The following MBNL2 variants were observed in gnomAD, a reference collection of about 807,000 sequenced individuals.
The protein encoded by MBNL2 is muscleblind-like protein 2.
In MBNL2, 17 loss-of-function variants were observed where a neutral mutation model predicts 41.9. The ratio of observed to expected loss-of-function variants is 0.41; its 90% CI spans 0.28 to 0.61. The LOEUF is 0.61. Among genes scored for constraint, MBNL2 ranks in the 20% least tolerant of loss-of-function variants. The pLI is 0.35. For missense variants in MBNL2, 336 were observed against 505.6 expected (o/e 0.66, Z 3.22); for synonymous variants, 195 against 182.9 (o/e 1.07, Z -0.53).
the MBNL2 span, among the ~76,000 whole-genome samples, chr13:97,153,209 T>C: frequency 6.6e-6 from 1 of 152,174 alleles, no homozygotes; most frequent in Non-Finnish European, 1.5e-5. Context: ...TAGTGTGTTC[T>C]TGACTCAGAG....
chr13:97,331,633 G>A (rs1284030216), intron 2 of MBNL2, among the ~76,000 whole-genome samples: 1 of 152,098 alleles, frequency 6.6e-6, no homozygotes, highest in African/African-American at 2.4e-5. Flanking sequence ...AGTTATATAT[G>A]GCCTTGGGAA....
chr13:97,204,715 A>G, the MBNL2 span, among the ~76,000 whole-genome samples: 12 of 152,138 alleles, frequency 7.9e-5, no homozygotes, highest in Admixed American at 2.0e-4. Context: ...GTTGCGGCCC[A>G]ATCCATTTTG....
chr13:97,370,568 G>T (rs1488609880), intron 8 of MBNL2, among the ~76,000 whole-genome samples: 1 of 151,632 alleles, frequency 6.6e-6, no homozygotes, highest in Non-Finnish European at 1.5e-5. Flanking sequence ...ACTCGAGAGG[G>T]TGAGGCAGGA....
intron 2 of MBNL2, among the ~76,000 whole-genome samples, chr13:97,293,124 A>G (rs2056444934): frequency 6.6e-6 from 1 of 151,986 alleles, no homozygotes. Flanking sequence ...CTTTTTGCCC[A>G]TAAATTCTGA....
At chr13:97,261,573 AAATT>A (rs1294785786) in intron 1 of MBNL2, among the ~76,000 whole-genome samples, 2 of 152,186 alleles carry the variant, frequency 1.3e-5, no homozygotes, top group South Asian at 2.1e-4. Context: ...ATCTCAGAAT[AAATT>A]AACGCTCTTT....
chr13:97,237,639 T>A (rs892277715), intron 1 of MBNL2, among the ~76,000 whole-genome samples: 1 of 152,200 alleles, frequency 6.6e-6, no homozygotes, highest in African/African-American at 2.4e-5. Flanking sequence ...AATCACATTG[T>A]GTGCACCTGA....
At chr13:97,259,509 G>C (rs1566372130) in intron 1 of MBNL2, among the ~76,000 whole-genome samples, 1 of 152,140 alleles carries the variant, frequency 6.6e-6, no homozygotes, top group Admixed American at 6.5e-5. Context: ...CTTGGGAGCA[G>C]GAAGAAAATG....
chr13:97,374,703 T>G (rs956263049), intron 8 of MBNL2, among the ~76,000 whole-genome samples: 10 of 152,154 alleles, frequency 6.6e-5, no homozygotes, highest in African/African-American at 2.4e-4. Flanking sequence ...CTTTGCAGTT[T>G]GATGGGACTG....
intron 2 of MBNL2, among the ~76,000 whole-genome samples, chr13:97,298,321 A>T (rs1019549825): frequency 2.6e-5 from 4 of 152,236 alleles, no homozygotes; most frequent in African/African-American, 7.2e-5. Context: ...TCTTGAATAC[A>T]TGAATAAATC....
At position 97,247,711 on chromosome 13, in the gene MBNL2, G is replaced by C. The variant is rs557950090; in HGVS notation, c.-605+25180G>C. On this transcript the variant is annotated intron_variant, in intron 1 of 8. Coordinates refer to ENST00000679496, the MANE Select transcript of MBNL2 (RefSeq NM_001382683.1). Reference sequence around the variant, plus strand: ...TAAAAGAAAGCAGAATGGTTAATTAGCAATATCATTTATTCCATATTTTAA... The same window carrying C: ...TAAAAGAAAGCAGAATGGTTAATTACCAATATCATTTATTCCATATTTTAA... 3.9e-5 allele frequency among the ~76,000 whole-genome samples: 6 copies of C among 152,240 alleles called. No homozygotes were observed. The South Asian group carries it at 1.0e-3, about 26-fold the overall frequency.
At chr13:97,143,882 C>G in the MBNL2 span, among the ~76,000 whole-genome samples, 1 of 152,028 alleles carries the variant, frequency 6.6e-6, no homozygotes, top group South Asian at 2.1e-4. Flanking sequence ...CTTGCTCTGT[C>G]ACCCAGGCTG....
intron 1 of MBNL2, among the ~76,000 whole-genome samples, chr13:97,244,190 A>G (rs1004333837): frequency 3.3e-5 from 5 of 152,232 alleles, no homozygotes. Context: ...TTCTTTAGTC[A>G]TATTTAATTT....
At chr13:97,177,658 A>G in the MBNL2 span, among the ~76,000 whole-genome samples, 1 of 152,242 alleles carries the variant, frequency 6.6e-6, no homozygotes, top group Non-Finnish European at 1.5e-5. Flanking sequence ...TATTTTTCCA[A>G]AATGAGAAGA....
At chr13:97,235,719 G>C (rs1425168830) in intron 1 of MBNL2, among the ~76,000 whole-genome samples, 1 of 152,136 alleles carries the variant, frequency 6.6e-6, no homozygotes, top group African/African-American at 2.4e-5. Context: ...GCTGTTGTCC[G>C]AACCCTCTGT....
At chr13:97,265,468 T>C (rs1268728297) in intron 1 of MBNL2, among the ~76,000 whole-genome samples, 1 of 152,158 alleles carries the variant, frequency 6.6e-6, no homozygotes, top group Non-Finnish European at 1.5e-5. Context: ...TTAGAAAGAA[T>C]GAAAGTTTGG....
intron 3 of MBNL2, among the ~76,000 whole-genome samples, chr13:97,338,142 C>T (rs2061048615): frequency 6.6e-6 from 1 of 152,198 alleles, no homozygotes; most frequent in Non-Finnish European, 1.5e-5. Flanking sequence ...AAAGCCGAAA[C>T]TCTGACCTTG....
chr13:97,198,181 T>C, the MBNL2 span, among the ~76,000 whole-genome samples: 1 of 152,134 alleles, frequency 6.6e-6, no homozygotes, highest in Non-Finnish European at 1.5e-5. Context: ...CTGGATGAGA[T>C]TCAATGTCAT....
the MBNL2 span, among the ~76,000 whole-genome samples, chr13:97,178,911 A>C: frequency 1.7e-4 from 26 of 152,320 alleles, no homozygotes; most frequent in Non-Finnish European, 2.5e-4. Context: ...ACACAAAAAC[A>C]AAAAAGAAAT....
chr13:97,174,806 C>G, the MBNL2 span, among the ~76,000 whole-genome samples: 3 of 152,048 alleles, frequency 2.0e-5, no homozygotes, highest in East Asian at 5.8e-4. Context: ...CTCTGGAATA[C>G]TAAGGCCAGT....
Sources: gnomAD v4.1 joint callset for allele counts (sites outside exome capture counted in the v4.1 genomes callset) on GRCh38, gnomAD v4.1.1 for gene constraint, MANE v1.5 for transcripts, NCBI Gene and HGNC (gene_info 2026-07-23, HGNC 2026-07-21) for gene names.